GRM8: variants seen among roughly 807,000 people sequenced by gnomAD.
GRM8 encodes glutamate metabotropic receptor 8.
In GRM8, 47 loss-of-function variants were observed where a neutral mutation model predicts 87.2. The observed-to-expected ratio is 0.54, with a 90% CI of 0.43 to 0.69. GRM8 has a LOEUF of 0.69. Among genes scored for constraint, GRM8 ranks in the 30% least tolerant of loss-of-function variants. The pLI is 0.00. For missense variants in GRM8, 1,019 were observed against 1,139.2 expected (o/e 0.89, Z 1.52); for synonymous variants, 396 against 404.5 (o/e 0.98, Z 0.25).
At chr7:127,198,764 C>T (rs1795428270) in intron 2 of GRM8, among the ~76,000 whole-genome samples, 2 of 151,234 alleles carry the variant, frequency 1.3e-5, no homozygotes, top group African/African-American at 2.4e-5. Flanking sequence ...TAACCTCAAA[C>T]TCCAGGGCTC....
chr7:126,689,354 A>G (rs2151362719), intron 7 of GRM8, among the ~76,000 whole-genome samples: 1 of 152,344 alleles, frequency 6.6e-6, no homozygotes, highest in East Asian at 1.9e-4. Flanking sequence ...CTCATCTGTA[A>G]AAGAGGAATT....
intron 3 of GRM8, among the ~76,000 whole-genome samples, chr7:127,017,768 G>T (rs1815833612): frequency 6.6e-6 from 1 of 151,852 alleles, no homozygotes; most frequent in Admixed American, 6.6e-5. Flanking sequence ...TGAGAGAGGG[G>T]AAGATTAATC....
At chr7:127,083,569 C>T (rs1394039909) in intron 3 of GRM8, among the ~76,000 whole-genome samples, 1 of 151,964 alleles carries the variant, frequency 6.6e-6, no homozygotes, top group Non-Finnish European at 1.5e-5. Flanking sequence ...AATGCCCTAC[C>T]TCCTTAGTTT....
At chr7:126,555,097 CATAA>C in intron 8 of GRM8, among the ~76,000 whole-genome samples, 1 of 152,244 alleles carries the variant, frequency 6.6e-6, no homozygotes, top group South Asian at 2.1e-4. Context: ...AAACAAAGAA[CATAA>C]ATAAAATTAT....
At chr7:126,661,793 G>A (rs991614389) in intron 7 of GRM8, among the ~76,000 whole-genome samples, 26 of 152,178 alleles carry the variant, frequency 1.7e-4, no homozygotes, top group African/African-American at 5.5e-4. Flanking sequence ...TCCCAAGAGA[G>A]CAGATTTAAA....
chr7:127,011,967 T>C (rs1268925503), intron 3 of GRM8, among the ~76,000 whole-genome samples: 1 of 152,124 alleles, frequency 6.6e-6, no homozygotes, highest in Non-Finnish European at 1.5e-5. Flanking sequence ...TGAATCGACA[T>C]TAATCATTTC....
chr7:126,851,597 T>A (rs1035095845), intron 6 of GRM8, among the ~76,000 whole-genome samples: 1 of 152,156 alleles, frequency 6.6e-6, no homozygotes, highest in Non-Finnish European at 1.5e-5. Context: ...TAGAAAATCA[T>A]CTATTTGCAA....
At chr7:127,209,613 G>A (rs2237802) in intron 2 of GRM8, among the ~76,000 whole-genome samples, 22,914 of 152,058 alleles carry the variant, frequency 0.15, 2,182 homozygotes, top group Middle Eastern at 0.2. Context: ...AAGACTGGCG[G>A]GGAAAAGGGG....
chr7:126,962,579 T>C (rs1319544263), intron 3 of GRM8, among the ~76,000 whole-genome samples: 1 of 152,246 alleles, frequency 6.6e-6, no homozygotes, highest in Non-Finnish European at 1.5e-5. Context: ...ATACTGGCAA[T>C]GGAGTAGAAT....
At chr7:127,235,717 G>A (rs1797946157) in intron 2 of GRM8, among the ~76,000 whole-genome samples, 1 of 152,108 alleles carries the variant, frequency 6.6e-6, no homozygotes, top group African/African-American at 2.4e-5. Flanking sequence ...CCAATGCAGG[G>A]CTCTACACCA....
intron 6 of GRM8, among the ~76,000 whole-genome samples, chr7:126,852,825 T>C (rs1797336803): frequency 1.3e-5 from 2 of 152,102 alleles, no homozygotes; most frequent in African/African-American, 4.8e-5. Context: ...TATATTTGTA[T>C]GCTTAAATAT....
At chr7:126,714,839 T>A (rs1811542198) in intron 7 of GRM8, among the ~76,000 whole-genome samples, 1 of 152,088 alleles carries the variant, frequency 6.6e-6, no homozygotes. Context: ...TATATATATA[T>A]AAACACACTC....
chr7:127,219,537 TC>T, intron 2 of GRM8: 1 of 152,174 alleles, frequency 6.6e-6, no homozygotes, highest in South Asian at 2.1e-4. Context: ...GAAATCCTGT[TC>T]CAGTGGTCCT....
intron 3 of GRM8, among the ~76,000 whole-genome samples, chr7:127,000,755 T>A (rs1026081221): frequency 6.6e-6 from 1 of 151,622 alleles, no homozygotes; most frequent in Non-Finnish European, 1.5e-5. Flanking sequence ...AGTTTCTGTA[T>A]GGGGTGATGG....
At chr7:127,147,355 GAT>G (rs926207540) in intron 2 of GRM8, among the ~76,000 whole-genome samples, 1 of 152,072 alleles carries the variant, frequency 6.6e-6, no homozygotes. Context: ...AGGCCCCACT[GAT>G]AGAGAGTGGG....
intron 9 of GRM8, among the ~76,000 whole-genome samples, chr7:126,463,414 C>G (rs1250239295): frequency 6.6e-6 from 1 of 151,604 alleles, no homozygotes; most frequent in Non-Finnish European, 1.5e-5. Flanking sequence ...AGATGATTTC[C>G]ATGGCTATGG....
intron 7 of GRM8, among the ~76,000 whole-genome samples, chr7:126,616,623 C>T (rs1483786959): frequency 2.2e-4 from 33 of 151,818 alleles, no homozygotes; most frequent in Middle Eastern, 3.4e-3. Context: ...ATTGATAGAC[C>T]GCTAGCAAGA....
At chr7:127,039,837 A>G (rs1586825199) in intron 3 of GRM8, among the ~76,000 whole-genome samples, 1 of 33,482 alleles carries the variant, frequency 3.0e-5, no homozygotes. Context: ...GGGAAGGGAG[A>G]GGAAGGGGAC....
Position 127,106,729 on chromosome 7 carries a change from G to C in GRM8, c.511-17C>G, listed in dbSNP as rs754899198. The C allele has an allele frequency of 2.0e-6, 3 of 1,525,560 alleles. No individual in the cohort carries two copies. In the South Asian group the frequency reaches 3.4e-5, roughly 17 times the overall value. The allele number at this position is 1,525,560 out of a possible 1,614,324, so 94.5% of individuals were successfully genotyped here. A position where few individuals can be genotyped will look rare whatever the true frequency, so the allele number is the denominator to read the frequency against. On this transcript the variant is annotated splice_polypyrimidine_tract_variant and intron_variant, in intron 2 of 10. Transcript: ENST00000339582. ...TTGAGGTATCTGCAAAACAAATGAT[G>C]GGTCATTTCAACCCATGACGAATCT... is the stretch of plus-strand genomic sequence containing the variant.
Sources: allele counts gnomAD v4.1 joint callset (sites outside exome capture counted in the v4.1 genomes callset), GRCh38; gene constraint gnomAD v4.1.1; transcripts MANE v1.5; gene names NCBI Gene and HGNC (gene_info 2026-07-23, HGNC 2026-07-21).